Variants in ZDHHC3 observed in about 807,000 individuals in gnomAD.
ZDHHC3 encodes the protein palmitoyltransferase ZDHHC3.
In ZDHHC3, 9 loss-of-function variants were observed where a neutral mutation model predicts 30.6. The observed-to-expected ratio is 0.29, with a 90% CI of 0.18 to 0.51. The LOEUF (loss-of-function observed/expected upper bound fraction) is 0.51, where lower values mean the gene tolerates loss of function less well. Ranked by LOEUF, ZDHHC3 falls within the 20% of genes least tolerant of loss-of-function variation. The probability of loss-of-function intolerance (pLI) is 0.97; values close to 1 mark genes in which losing one functional copy is unlikely to be tolerated. For missense variants in ZDHHC3, 246 were observed against 384.2 expected, an observed-to-expected ratio of 0.64 and a Z score of 3.01; for synonymous variants, 136 against 140.2, an observed-to-expected ratio of 0.97 and a Z score of 0.21.
rs987780315 is a variant in ZDHHC3, at chr3:44,918,241, G to T, written c.*8448C>A. 38 of 1,218,270 alleles carry T rather than the reference G, an allele frequency of 3.1e-5. No homozygotes were observed. The highest frequency in any genetic ancestry group is 4.7e-5 in the African/African-American group (3 of 63,772). The allele number at this position is 1,218,270 out of a possible 1,614,324, so 75.5% of individuals were successfully genotyped here. ...CTATAGCATAGCAGTGGCGGGGGGG[G>T]GGGCGGGGTGTCCACGGCATGGGTA... On this transcript the variant is annotated 3_prime_UTR_variant, in exon 7 of 7. Coordinates refer to ENST00000424952, the MANE Select transcript of ZDHHC3 (RefSeq NM_001135179.2).
chr3:44,972,760 C>G (rs969559841), intron 1 of ZDHHC3, among the ~76,000 whole-genome samples: 21 of 152,142 alleles, frequency 1.4e-4, no homozygotes, highest in Non-Finnish European at 2.9e-4. Flanking sequence ...TGGGCTCCCC[C>G]ACTATAATAA....
intron 1 of ZDHHC3, chr3:44,969,530 A>G (rs1264897735): frequency 6.6e-6 from 1 of 152,212 alleles, no homozygotes; most frequent in African/African-American, 2.4e-5. Flanking sequence ...TTACTACAAT[A>G]ATTAAATTTT....
chr3:44,951,598 T>C (rs1703455401), intron 2 of ZDHHC3, among the ~76,000 whole-genome samples: 1 of 152,202 alleles, frequency 6.6e-6, no homozygotes, highest in African/African-American at 2.4e-5. Flanking sequence ...AAGTCAATCC[T>C]GGCCCTCAGG....
At chr3:44,939,481 C>T (rs1452524061) in intron 3 of ZDHHC3, among the ~76,000 whole-genome samples, 4 of 152,226 alleles carry the variant, frequency 2.6e-5, no homozygotes, top group African/African-American at 9.7e-5. Flanking sequence ...GAGACCAGCA[C>T]CTCTGGGTTT....
intron 3 of ZDHHC3, among the ~76,000 whole-genome samples, chr3:44,939,249 C>T (rs936175007): frequency 1.6e-4 from 25 of 152,248 alleles, no homozygotes; most frequent in African/African-American, 5.3e-4. Context: ...ATTAGCCACT[C>T]TGCTTCTCTC....
Position 44,921,403 on chromosome 3 carries a change from A to C in ZDHHC3, c.*5286T>G, listed in dbSNP as rs1700585246. 1 of 985,310 alleles carries C rather than the reference A, an allele frequency of 1.0e-6. No homozygotes were observed. Among genetic ancestry groups the C allele is most frequent in the Admixed American group, 6.1e-5 (1 of 16,270 alleles). The allele number at this position is 985,310 out of a possible 1,614,324, so 61.0% of individuals were successfully genotyped here. A position where few individuals can be genotyped will look rare whatever the true frequency, so the allele number is the denominator to read the frequency against. On this transcript the variant is annotated 3_prime_UTR_variant, in exon 7 of 7. Transcript: ENST00000424952. Reference sequence around the variant, plus strand: ...ACTGTCTCTCCTCATCAGAGATTTCATACCTCTATATTGTAACCCACAAGA... The same window carrying C: ...ACTGTCTCTCCTCATCAGAGATTTCCTACCTCTATATTGTAACCCACAAGA...
intron 2 of ZDHHC3, among the ~76,000 whole-genome samples, chr3:44,955,952 C>A (rs1703917855): frequency 1.3e-5 from 2 of 152,152 alleles, no homozygotes; most frequent in South Asian, 4.1e-4. Flanking sequence ...TTTTTGGGGC[C>A]AGTTATCTTT....
intron 3 of ZDHHC3, among the ~76,000 whole-genome samples, chr3:44,935,910 C>T (rs973354693): frequency 6.6e-6 from 1 of 152,022 alleles, no homozygotes; most frequent in African/African-American, 2.4e-5. Flanking sequence ...ACTATAAAAA[C>T]CCTGGAAGAC....
At position 44,923,564 on chromosome 3, in the gene ZDHHC3, G is replaced by T. The variant is rs918355516; in HGVS notation, c.*3125C>A. ...CGCCTGTAATCCCAGGACTTTGGGAGGCTAAGGCAGGAAAATTGCTGGAGG... is the reference window on the plus strand; with the variant it reads ...CGCCTGTAATCCCAGGACTTTGGGATGCTAAGGCAGGAAAATTGCTGGAGG... On this transcript the variant is annotated 3_prime_UTR_variant, in exon 7 of 7. Transcript: ENST00000424952. The T allele has an allele frequency of 1.0e-6, 1 of 983,006 alleles. No homozygotes were observed. 60.9% of individuals were successfully genotyped at this position (983,006 alleles called of 1,614,324 possible).
chr3:44,970,504 C>T (rs568109331), intron 1 of ZDHHC3, among the ~76,000 whole-genome samples: 1 of 152,234 alleles, frequency 6.6e-6, no homozygotes, highest in South Asian at 2.1e-4. Flanking sequence ...GGGAAGATCA[C>T]GCTGATTGCT....
chr3:44,919,008 G>A lies in ZDHHC3; in HGVS notation c.*7681C>T. 1.0e-6 allele frequency: 1 copy of A among 985,476 alleles called. No individual in the cohort carries two copies. The highest frequency in any genetic ancestry group is 4.7e-5 in the South Asian group (1 of 21,288). The allele number at this position is 985,476 out of a possible 1,614,324, so 61.0% of individuals were successfully genotyped here. The stretch of plus-strand genomic sequence containing the variant: ...TGTGGGTTTGCTGGGCTTGGGCACT[G>A]CTCCTTCACATGACTCAAGAAAGAT... On this transcript the variant is annotated 3_prime_UTR_variant, in exon 7 of 7. Transcript: ENST00000424952.
intron 2 of ZDHHC3, among the ~76,000 whole-genome samples, chr3:44,949,957 G>A (rs368593180): frequency 1.3e-5 from 2 of 152,014 alleles, no homozygotes; most frequent in African/African-American, 4.8e-5. Flanking sequence ...CACCTCAGCC[G>A]CCCAAGTAGC....
chr3:44,960,686 C>T (rs1044750656), intron 1 of ZDHHC3, among the ~76,000 whole-genome samples: 3 of 152,194 alleles, frequency 2.0e-5, no homozygotes, highest in Non-Finnish European at 4.4e-5. Flanking sequence ...AAAAGCCACT[C>T]ATAGCACAGG....
At position 44,921,100 on chromosome 3, in the gene ZDHHC3, C is replaced by A. The variant is rs1019794865; in HGVS notation, c.*5589G>T. Reference sequence around the variant, plus strand: ...TGCCTGGTAAGGGGGTCATAGTCGACACCAGAAGCTCTTGCAGGGTGTGTG... The same window carrying A: ...TGCCTGGTAAGGGGGTCATAGTCGAAACCAGAAGCTCTTGCAGGGTGTGTG... On this transcript the variant is annotated 3_prime_UTR_variant, in exon 7 of 7. Transcript: ENST00000424952. 1 of 985,312 alleles carries A rather than the reference C, an allele frequency of 1.0e-6. No individual in the cohort carries two copies. Among genetic ancestry groups the A allele is most frequent in the Non-Finnish European group, 1.2e-6 (1 of 829,946 alleles). The allele number at this position is 985,312 out of a possible 1,614,324, so 61.0% of individuals were successfully genotyped here.
At chr3:44,965,199 C>A (rs1395434953) in intron 1 of ZDHHC3, among the ~76,000 whole-genome samples, 2 of 152,152 alleles carry the variant, frequency 1.3e-5, no homozygotes, top group Non-Finnish European at 2.9e-5. Flanking sequence ...CTAAAAGCAA[C>A]AACAAAAACT....
chr3:44,957,586 C>A (rs1280384836), intron 2 of ZDHHC3, among the ~76,000 whole-genome samples: 1 of 152,220 alleles, frequency 6.6e-6, no homozygotes, highest in Non-Finnish European at 1.5e-5. Context: ...TCCCACCACT[C>A]CTGGTGCCTA....
rs763348315 is a variant in ZDHHC3, at chr3:44,917,564, C to G, written c.*9125G>C. 1 of 238,356 alleles carries G rather than the reference C, an allele frequency of 4.2e-6. No individual in the cohort carries two copies. The highest frequency in any genetic ancestry group is 2.2e-5 in the African/African-American group (1 of 44,562). The allele number at this position is 238,356 out of a possible 1,614,324, so 14.8% of individuals were successfully genotyped here. A position where few individuals can be genotyped will look rare whatever the true frequency, so the allele number is the denominator to read the frequency against. On this transcript the variant is annotated 3_prime_UTR_variant, in exon 7 of 7. Coordinates refer to ENST00000424952, the MANE Select transcript of ZDHHC3 (RefSeq NM_001135179.2). ...AAGCTCTTTTCTGCCCCTGGGATGC[C>G]CTGTTCAAAAGCTCCCTTTGCTGGG...
Position 44,926,577 on chromosome 3 carries a change from AG to A in ZDHHC3, c.*111del, listed in dbSNP as rs375238701. 6 of 1,272,468 alleles carry A rather than the reference AG, an allele frequency of 4.7e-6. No individual in the cohort carries two copies. In the African/African-American group the frequency reaches 7.7e-5, roughly 16 times the overall value. The allele number at this position is 1,272,468 out of a possible 1,614,324, so 78.8% of individuals were successfully genotyped here. Reference sequence around the variant, plus strand: ...GCCATTTTACTTGAGACATAAAAAAAGTTTTAAGAGTAGTTGTTTTGCTTTT... The same window carrying A: ...GCCATTTTACTTGAGACATAAAAAAATTTTAAGAGTAGTTGTTTTGCTTTT... On this transcript the variant is annotated 3_prime_UTR_variant, in exon 7 of 7. Transcript: ENST00000424952.
chr3:44,920,070 A>G lies in ZDHHC3; in HGVS notation c.*6619T>C, dbSNP rs1700484650. 4.2e-6 allele frequency: 5 copies of G among 1,184,404 alleles called. No homozygotes were observed. In the South Asian group the frequency reaches 7.8e-5, roughly 19 times the overall value. The allele number at this position is 1,184,404 out of a possible 1,614,324, so 73.4% of individuals were successfully genotyped here. A position where few individuals can be genotyped will look rare whatever the true frequency, so the allele number is the denominator to read the frequency against. ...GGGGATGGAATTCTAGAGGATTTGT[A>G]TTTATTTCTGTAGACTTCTCACACA... On this transcript the variant is annotated 3_prime_UTR_variant, in exon 7 of 7. Transcript: ENST00000424952.
Sources: gnomAD v4.1 joint callset for allele counts (sites outside exome capture counted in the v4.1 genomes callset) on GRCh38, gnomAD v4.1.1 for gene constraint, MANE v1.5 for transcripts, NCBI Gene and HGNC (gene_info 2026-07-23, HGNC 2026-07-21) for gene names.